The following CD99L2 variants were observed in gnomAD, a reference collection of about 807,000 sequenced individuals.
CD99L2 encodes the protein CD99 molecule like 2.
A neutral mutation model predicts 27.3 loss-of-function variants in CD99L2; 24 were observed. The ratio of observed to expected loss-of-function variants is 0.88; its 90% CI spans 0.64 to 1.24. The LOEUF (loss-of-function observed/expected upper bound fraction) is 1.24. Among genes scored for constraint, CD99L2 ranks in the 50% most tolerant of loss-of-function variants. The pLI is 0.00. For missense variants in CD99L2, 255 were observed against 221.6 expected (o/e 1.15, Z -0.96); for synonymous variants, 97 against 87.9 (o/e 1.10, Z -0.58).
intron 2 of CD99L2, 104 bp from the exon 3 acceptor site, chrX:150,816,182 C>G: frequency 1.3e-6 from 1 of 794,100 alleles, no homozygotes; most frequent in Non-Finnish European, 1.9e-6. Context: ...ATATCCTTGT[C>G]TTGGTCCTTG....
chrX:150,786,184 G>C (rs2045591200), intron 7 of CD99L2, among the ~76,000 whole-genome samples: 1 of 109,900 alleles, frequency 9.1e-6, no homozygotes, highest in African/African-American at 3.3e-5. Context: ...ATGGTGGTTT[G>C]ATTTGTATTT....
chrX:150,804,530 A>G (rs1362734751), intron 4 of CD99L2, among the ~76,000 whole-genome samples: 4 of 109,704 alleles, frequency 3.6e-5, no homozygotes, highest in Non-Finnish European at 7.6e-5. Context: ...GCAGATCACG[A>G]GGTCAGGAGT....
At chrX:150,818,894 A>T (rs1370168518) in intron 2 of CD99L2, 3 of 376,901 alleles carry the variant, frequency 8.0e-6, no homozygotes, top group African/African-American at 5.2e-5. Context: ...GGATTTGGTT[A>T]TAAGGGTTCT....
intron 1 of CD99L2, among the ~76,000 whole-genome samples, chrX:150,837,049 C>T (rs2046541567): frequency 9.0e-6 from 1 of 111,066 alleles, no homozygotes; most frequent in South Asian, 3.7e-4. Context: ...ACATATATTC[C>T]CTTGCTCTGT....
In CD99L2 at chrX:150,845,229, A is replaced by G. The variant is rs1194433415; in HGVS notation, c.68-13936T>C. 3.0e-4 allele frequency among the ~76,000 whole-genome samples: 33 copies of G among 111,609 alleles called. No individual in the cohort carries two copies. In the Admixed American group the frequency reaches 3.1e-3, roughly 11 times the overall value. On this transcript the variant is annotated intron_variant, in intron 1 of 10. Coordinates refer to ENST00000370377, the MANE Select transcript of CD99L2 (RefSeq NM_031462.4). ...AGAGCTGAGAGCTAGGGAACTACTT[A>G]GCAAAAGAAAAATGGAGTGGGTGCC...
chrX:150,777,398 T>C (rs1393021820), intron 8 of CD99L2, 46 bp downstream of exon 8: 1 of 1,204,919 alleles, frequency 8.3e-7, no homozygotes, highest in African/African-American at 1.7e-5. Flanking sequence ...TGAGATTCAT[T>C]TTCCTTTCAC....
At chrX:150,871,057 C>T (rs1365294623) in intron 1 of CD99L2, among the ~76,000 whole-genome samples, 1 of 112,469 alleles carries the variant, frequency 8.9e-6, no homozygotes, top group African/African-American at 3.2e-5. Context: ...AGTCCCATTT[C>T]CTTTTAAATA....
chrX:150,830,343 G>A (rs555269950), intron 2 of CD99L2, among the ~76,000 whole-genome samples: 140 of 110,654 alleles, frequency 1.3e-3, no homozygotes, highest in African/African-American at 4.5e-3. Flanking sequence ...TTAAGGCCAC[G>A]AGTTCAAGAC....
intron 1 of CD99L2, among the ~76,000 whole-genome samples, chrX:150,864,334 G>A (rs2047027139): frequency 2.7e-5 from 3 of 112,575 alleles, no homozygotes; most frequent in African/African-American, 9.7e-5. Flanking sequence ...CACCGTGCAT[G>A]ACACTGCAGA....
chrX:150,806,810 G>A (rs1557420252), intron 4 of CD99L2, among the ~76,000 whole-genome samples: 2 of 110,737 alleles, frequency 1.8e-5, no homozygotes, highest in African/African-American at 6.6e-5. Context: ...AGAATCGCTT[G>A]AACCCTGGAG....
intron 1 of CD99L2, among the ~76,000 whole-genome samples, chrX:150,869,806 T>C (rs1384383442): frequency 9.0e-6 from 1 of 111,201 alleles, no homozygotes; most frequent in Non-Finnish European, 1.9e-5. Flanking sequence ...TGACTATCCA[T>C]ATAAGCAAGT....
At chrX:150,770,526 T>C (rs1200762175) in intron 9 of CD99L2, among the ~76,000 whole-genome samples, 157 bp from the exon 10 acceptor site, 2 of 112,493 alleles carry the variant, frequency 1.8e-5, no homozygotes, top group Middle Eastern at 4.6e-3. Flanking sequence ...TGAACATCCT[T>C]ATCCGGATGA....
chrX:150,770,476 G>C, intron 9 of CD99L2, 107 bp from the exon 10 acceptor site: 3 of 685,432 alleles, frequency 4.4e-6, no homozygotes, highest in South Asian at 5.1e-5. Context: ...AAGCAGCACA[G>C]CTCCCCTGGG....
chrX:150,873,705 TG>T lies in CD99L2; in HGVS notation c.67+24816del, dbSNP rs1156642208. ...GGAGTCTACCATCTAAAACTGAGGC[TG>T]GTCTGCATAACAGGAAGGGAGAAGA... On this transcript the variant is annotated intron_variant, in intron 1 of 10. Coordinates refer to ENST00000370377, the MANE Select transcript of CD99L2 (RefSeq NM_031462.4). 5.4e-5 allele frequency among the ~76,000 whole-genome samples: 6 copies of T among 111,341 alleles called. No individual in the cohort carries two copies. In the East Asian group the frequency reaches 1.7e-3, roughly 31 times the overall value.
chrX:150,856,097 A>T, intron 1 of CD99L2, among the ~76,000 whole-genome samples: 1 of 112,806 alleles, frequency 8.9e-6, no homozygotes, highest in Non-Finnish European at 1.9e-5. Context: ...TCCCTGAAGG[A>T]CAAACCTTGC....
At chrX:150,808,613 A>T (rs1557420304) in intron 4 of CD99L2, among the ~76,000 whole-genome samples, 1 of 112,358 alleles carries the variant, frequency 8.9e-6, no homozygotes, top group Non-Finnish European at 1.9e-5. Flanking sequence ...GGACCCATGA[A>T]TAGGCTGGAT....
Position 150,854,013 on chromosome X carries a change from C to T in CD99L2, c.68-22720G>A, listed in dbSNP as rs190201838. Among the ~76,000 whole-genome samples, 313 of 111,366 alleles carry T rather than the reference C, an allele frequency of 2.8e-3. 2 individuals are homozygous for T. The highest frequency in any genetic ancestry group is 7.0e-3 in the Admixed American group (74 of 10,528). On this transcript the variant is annotated intron_variant, in intron 1 of 10. Transcript: ENST00000370377. ...GTTACAGTCAGATAGGCAAGATGTACCTCCTTTGGGAGCCCTTCTCTGATG... is the reference window on the plus strand; with the variant it reads ...GTTACAGTCAGATAGGCAAGATGTATCTCCTTTGGGAGCCCTTCTCTGATG...
intron 1 of CD99L2, among the ~76,000 whole-genome samples, chrX:150,874,358 T>C (rs2047198254): frequency 9.0e-6 from 1 of 111,193 alleles, no homozygotes; most frequent in Non-Finnish European, 1.9e-5. Flanking sequence ...ATTCTCAGAA[T>C]AGGAAGATGC....
intron 1 of CD99L2, among the ~76,000 whole-genome samples, chrX:150,854,914 C>A (rs1372765853): frequency 9.0e-6 from 1 of 110,678 alleles, no homozygotes; most frequent in Non-Finnish European, 1.9e-5. Flanking sequence ...CCCCCTCCCC[C>A]CGGTGGTTCA....
Sources: gnomAD v4.1 joint callset for allele counts (sites outside exome capture counted in the v4.1 genomes callset) on GRCh38, gnomAD v4.1.1 for gene constraint, MANE v1.5 for transcripts, NCBI Gene and HGNC (gene_info 2026-07-23, HGNC 2026-07-21) for gene names.